Variants in CTDSPL2 observed in about 807,000 individuals in gnomAD.
The protein encoded by CTDSPL2 is CTD small phosphatase like 2, also known as CTD small phosphatase-like protein 2.
CTDSPL2 carries 5 observed loss-of-function variants against 60.0 expected under a neutral mutation model. That is an observed-to-expected ratio of 0.08 (90% CI 0.04 to 0.18). CTDSPL2 has a LOEUF of 0.18. Ranked by LOEUF, CTDSPL2 falls within the 10% of genes least tolerant of loss-of-function variation. CTDSPL2 has a pLI of 1.00. For missense variants in CTDSPL2, 370 were observed against 548.8 expected (o/e 0.67, Z 3.26); for synonymous variants, 186 against 189.3 (o/e 0.98, Z 0.14).
chr15:44,456,177 C>A (rs928414973), intron 1 of CTDSPL2, among the ~76,000 whole-genome samples: 2 of 152,172 alleles, frequency 1.3e-5, no homozygotes, highest in Admixed American at 6.5e-5. Flanking sequence ...CATCAATGTT[C>A]ATCAAGGATA....
In CTDSPL2 at chr15:44,528,614, C is replaced by A. The variant is rs2081904941; in HGVS notation, c.*4440C>A. On this transcript the variant is annotated 3_prime_UTR_variant, in exon 13 of 13. Transcript: ENST00000260327. ...ACTGCTCATTATCATTTTTGTCTTT[C>A]ATATTTTTTAAGGGTTTGCATTTCT... The A allele has an allele frequency of 6.6e-6, 1 of 151,612 alleles. No individual in the cohort carries two copies. The highest frequency in any genetic ancestry group is 2.1e-4 in the South Asian group (1 of 4,812). The allele number at this position is 151,612 out of a possible 1,614,324, so 9.4% of individuals were successfully genotyped here.
chr15:44,433,330 GAAA>G (rs1020559472), intron 1 of CTDSPL2, among the ~76,000 whole-genome samples: 2 of 63,866 alleles, frequency 3.1e-5, no homozygotes, highest in Non-Finnish European at 6.7e-5. Flanking sequence ...CTGTCTCAAA[GAAA>G]AAAAAAAAAA....
chr15:44,519,973 C>T (rs2081733447), intron 11 of CTDSPL2: 1 of 151,628 alleles, frequency 6.6e-6, no homozygotes, highest in African/African-American at 2.4e-5. Flanking sequence ...GGGGTTTCTC[C>T]ATGTTGGTCA....
intron 2 of CTDSPL2, among the ~76,000 whole-genome samples, chr15:44,483,173 C>T (rs1034682721): frequency 1.3e-5 from 2 of 151,186 alleles, no homozygotes; most frequent in Non-Finnish European, 2.9e-5. Context: ...GCAGGAGAAT[C>T]GCTTGAACCC....
chr15:44,491,250 G>A (rs947656783), intron 5 of CTDSPL2, among the ~76,000 whole-genome samples: 1 of 152,056 alleles, frequency 6.6e-6, no homozygotes, highest in Non-Finnish European at 1.5e-5. Flanking sequence ...CTTATTGCTT[G>A]GAGAAATTTA....
At chr15:44,456,881 T>TTTTTTTTTTTTTTTTTTTG (rs2080457745) in intron 1 of CTDSPL2, among the ~76,000 whole-genome samples, 2 of 146,112 alleles carry the variant, frequency 1.4e-5, no homozygotes, top group African/African-American at 5.2e-5. Context: ...TTTTTTTGTT[T>TTTTTTTTTTTTTTTTTTTG]TTTTTTCTTT....
chr15:44,441,358 T>C (rs1394109485), intron 1 of CTDSPL2, among the ~76,000 whole-genome samples: 1 of 152,184 alleles, frequency 6.6e-6, no homozygotes, highest in Non-Finnish European at 1.5e-5. Flanking sequence ...TTTCCCATTG[T>C]AGAAGCTGCT....
At chr15:44,459,407 G>A (rs182514298) in intron 2 of CTDSPL2, among the ~76,000 whole-genome samples, 2 of 152,190 alleles carry the variant, frequency 1.3e-5, no homozygotes, top group Admixed American at 6.5e-5. Flanking sequence ...GGCGCCTGTA[G>A]TCCCAGCTAC....
intron 2 of CTDSPL2, 25 bp from the exon 3 acceptor site, chr15:44,484,199 G>GTTTTTTTTT: frequency 1.3e-6 from 2 of 1,530,756 alleles, no homozygotes; most frequent in African/African-American, 1.4e-5. Flanking sequence ...TGCTTAGTGT[G>GTTTTTTTTT]TTTTTTTTTC....
At chr15:44,517,253 G>C (rs1201222230) in intron 10 of CTDSPL2, 3 of 149,424 alleles carry the variant, frequency 2.0e-5, no homozygotes, top group African/African-American at 7.4e-5. Flanking sequence ...GCTCACGCCT[G>C]TAATCCCAGC....
chr15:44,457,601 G>T (rs139712587), intron 1 of CTDSPL2, among the ~76,000 whole-genome samples: 1 of 151,768 alleles, frequency 6.6e-6, no homozygotes, highest in Non-Finnish European at 1.5e-5. Context: ...TTTTTGGTTG[G>T]GGGGGGTGGT....
intron 1 of CTDSPL2, among the ~76,000 whole-genome samples, chr15:44,443,545 C>T (rs952734814): frequency 2.0e-5 from 3 of 152,162 alleles, no homozygotes; most frequent in African/African-American, 7.2e-5. Flanking sequence ...CTAATTTCTC[C>T]ACATTCTTGC....
intron 8 of CTDSPL2, among the ~76,000 whole-genome samples, chr15:44,511,461 A>G (rs1387983871): frequency 6.6e-6 from 1 of 152,214 alleles, no homozygotes; most frequent in East Asian, 1.9e-4. Context: ...ATTCTTGTGC[A>G]GTGGAATTGT....
chr15:44,431,854 A>T (rs1383624413), intron 1 of CTDSPL2, among the ~76,000 whole-genome samples: 1 of 150,188 alleles, frequency 6.7e-6, no homozygotes, highest in Non-Finnish European at 1.5e-5. Flanking sequence ...AGCAGCTGGG[A>T]TTACAGGCGC....
At chr15:44,486,526 G>T (rs2081121082) in intron 3 of CTDSPL2, 25 bp from the exon 4 acceptor site, 1 of 1,489,530 alleles carries the variant, frequency 6.7e-7, no homozygotes, top group South Asian at 1.3e-5. Context: ...TCTAGATCAT[G>T]ACTTTTTTCT....
chr15:44,515,040 A>G (rs1217816966), intron 10 of CTDSPL2, among the ~76,000 whole-genome samples, 196 bp downstream of exon 10: 2 of 152,162 alleles, frequency 1.3e-5, no homozygotes, highest in African/African-American at 2.4e-5. Flanking sequence ...TTTAAAGGAT[A>G]CAAAGATCCA....
rs1234795489 is a variant in CTDSPL2 at position 44,526,088 on chromosome 15, C to G, written c.*1914C>G. On this transcript the variant is annotated 3_prime_UTR_variant, in exon 13 of 13. Coordinates refer to ENST00000260327, the MANE Select transcript of CTDSPL2 (RefSeq NM_016396.3). ...ACTACAGATTCATTTTAATGAGAATCTTTGAAATGTATTTATCTTTAGGGC... is the reference window on the plus strand; with the variant it reads ...ACTACAGATTCATTTTAATGAGAATGTTTGAAATGTATTTATCTTTAGGGC... 6.6e-6 allele frequency: 1 copy of G among 152,020 alleles called. No homozygotes were observed. The highest frequency in any genetic ancestry group is 1.9e-4 in the East Asian group (1 of 5,190). The allele number at this position is 152,020 out of a possible 1,614,324, so 9.4% of individuals were successfully genotyped here.
intron 2 of CTDSPL2, among the ~76,000 whole-genome samples, chr15:44,479,407 C>CTTTT (rs11414036): frequency 8.6e-4 from 84 of 97,894 alleles, no homozygotes; most frequent in African/African-American, 2.4e-3. Context: ...ATTTTCTTTC[C>CTTTT]TTTTTTTTTT....
intron 1 of CTDSPL2, among the ~76,000 whole-genome samples, chr15:44,439,410 C>G (rs2080038917): frequency 6.6e-6 from 1 of 152,010 alleles, no homozygotes; most frequent in Non-Finnish European, 1.5e-5. Context: ...CCATCCCCAG[C>G]CGGCCTCCCA....
Sources: allele counts gnomAD v4.1 joint callset (sites outside exome capture counted in the v4.1 genomes callset), GRCh38; gene constraint gnomAD v4.1.1; transcripts MANE v1.5; gene names NCBI Gene and HGNC (gene_info 2026-07-23, HGNC 2026-07-21).